C8orf34: variants seen among roughly 807,000 people sequenced by gnomAD.
C8orf34 encodes the protein uncharacterized protein C8orf34.
Under a neutral mutation model 68.3 loss-of-function variants are expected in C8orf34, and 65 were observed. That is an observed-to-expected ratio of 0.95 (90% CI 0.78 to 1.17). The LOEUF is 1.17. C8orf34 is among the 50% of genes most tolerant of loss of function. The probability of loss-of-function intolerance (pLI) is 0.00; values close to 1 mark genes in which losing one functional copy is unlikely to be tolerated. For missense variants in C8orf34, 664 were observed against 655.4 expected (o/e 1.01, Z -0.14); for synonymous variants, 244 against 241.2 (o/e 1.01, Z -0.11).
intron 1 of C8orf34, among the ~76,000 whole-genome samples, chr8:68,335,513 A>G (rs1433733107): frequency 6.6e-6 from 1 of 152,182 alleles, no homozygotes; most frequent in African/African-American, 2.4e-5. Flanking sequence ...GCAGAAGACA[A>G]AGCAGTTCCA....
intron 7 of C8orf34, among the ~76,000 whole-genome samples, chr8:68,570,199 G>A (rs1816721398): frequency 6.6e-6 from 1 of 152,196 alleles, no homozygotes; most frequent in African/African-American, 2.4e-5. Flanking sequence ...ATATAGATCT[G>A]AAGCCGAATC....
intron 7 of C8orf34, among the ~76,000 whole-genome samples, chr8:68,549,126 A>G (rs1815981840): frequency 6.6e-6 from 1 of 151,848 alleles, no homozygotes; most frequent in Admixed American, 6.6e-5. Flanking sequence ...GGACACAGTT[A>G]GAAGGCAGCC....
At chr8:68,554,820 A>G (rs947147962) in intron 7 of C8orf34, among the ~76,000 whole-genome samples, 11 of 152,122 alleles carry the variant, frequency 7.2e-5, no homozygotes, top group African/African-American at 1.9e-4. Context: ...CATGGCATGG[A>G]ATTGTGTATA....
chr8:68,784,533 TC>T (rs1823786309), intron 11 of C8orf34, among the ~76,000 whole-genome samples: 1 of 152,180 alleles, frequency 6.6e-6, no homozygotes, highest in African/African-American at 2.4e-5. Context: ...GGGAAGTTAT[TC>T]CCCACATCCT....
intron 5 of C8orf34, among the ~76,000 whole-genome samples, chr8:68,507,091 A>C (rs1814056843): frequency 6.6e-6 from 1 of 152,200 alleles, no homozygotes; most frequent in Non-Finnish European, 1.5e-5. Context: ...CTACCTATGA[A>C]TATGCCATAA....
chr8:68,718,266 C>G (rs1164065968), intron 9 of C8orf34, among the ~76,000 whole-genome samples: 1 of 152,120 alleles, frequency 6.6e-6, no homozygotes, highest in Non-Finnish European at 1.5e-5. Flanking sequence ...AAGACAGATA[C>G]TGTTTAATTA....
chr8:68,416,512 C>CATTTATTTATTT (rs3057630), intron 1 of C8orf34, among the ~76,000 whole-genome samples: 25 of 146,052 alleles, frequency 1.7e-4, no homozygotes, highest in South Asian at 6.6e-4. Context: ...ATTAAACATA[C>CATTTATTTATTT]ATTTATTTAT....
chr8:68,412,419 G>A (rs1287421549), intron 1 of C8orf34, among the ~76,000 whole-genome samples: 1 of 152,104 alleles, frequency 6.6e-6, no homozygotes, highest in African/African-American at 2.4e-5. Flanking sequence ...CTTGCTAGAT[G>A]TAAGAGATAT....
intron 6 of C8orf34, among the ~76,000 whole-genome samples, chr8:68,528,025 G>T (rs542667797): frequency 2.6e-5 from 4 of 152,254 alleles, no homozygotes; most frequent in East Asian, 3.9e-4. Context: ...TTCCCAGTGT[G>T]TTAATTTCCC....
intron 7 of C8orf34, among the ~76,000 whole-genome samples, chr8:68,622,892 A>G (rs1818429174): frequency 6.6e-6 from 1 of 152,226 alleles, no homozygotes; most frequent in Admixed American, 6.5e-5. Flanking sequence ...TAGTGTCATG[A>G]CATTTTCCAT....
Position 68,679,624 on chromosome 8 carries a change from G to A in C8orf34, c.1242-29370G>A, listed in dbSNP as rs149764518. On this transcript the variant is annotated intron_variant, in intron 8 of 13. Coordinates refer to ENST00000518698, the MANE Select transcript of C8orf34 (RefSeq NM_052958.4). ...GACCCAGAATAGCCAAATGTATCCT[G>A]AGCAAAAAGAATAAAAGTGGAAGAA... is the stretch of plus-strand genomic sequence containing the variant. Among the ~76,000 whole-genome samples the A allele has an allele frequency of 2.6e-3, 391 of 152,076 alleles. 4 individuals are homozygous for A. The highest frequency in any genetic ancestry group is 8.7e-3 in the African/African-American group (359 of 41,492).
chr8:68,441,737 G>T (rs1416311025), intron 2 of C8orf34, among the ~76,000 whole-genome samples: 3 of 152,126 alleles, frequency 2.0e-5, no homozygotes, highest in Non-Finnish European at 4.4e-5. Flanking sequence ...TTATATACTA[G>T]AATGTAATCA....
chr8:68,766,091 T>C (rs149680788), intron 10 of C8orf34, among the ~76,000 whole-genome samples: 230 of 152,284 alleles, frequency 1.5e-3, no homozygotes, highest in Non-Finnish European at 2.7e-3. Flanking sequence ...GTTAGAGAAA[T>C]GTTTCCCTAA....
chr8:68,706,375 G>A (rs768383350), intron 8 of C8orf34, among the ~76,000 whole-genome samples: 1 of 152,064 alleles, frequency 6.6e-6, no homozygotes, highest in Non-Finnish European at 1.5e-5. Flanking sequence ...TTAATATTTG[G>A]TTGCGTAGAA....
At chr8:68,643,304 T>A (rs1819067909) in intron 8 of C8orf34, among the ~76,000 whole-genome samples, 1 of 152,178 alleles carries the variant, frequency 6.6e-6, no homozygotes, top group Non-Finnish European at 1.5e-5. Flanking sequence ...CATTTAAAAT[T>A]GTGAGAATTA....
chr8:68,641,392 A>T (rs1819005957), intron 8 of C8orf34, among the ~76,000 whole-genome samples: 1 of 152,206 alleles, frequency 6.6e-6, no homozygotes, highest in Non-Finnish European at 1.5e-5. Context: ...AATAGAAAGG[A>T]CAGCTCTTAG....
chr8:68,443,543 C>T (rs559231437), intron 2 of C8orf34, among the ~76,000 whole-genome samples: 297 of 151,902 alleles, frequency 2.0e-3, no homozygotes, highest in African/African-American at 6.9e-3. Flanking sequence ...TACAGGCACA[C>T]GCCAGCCACC....
chr8:68,608,978 G>A (rs945781668), intron 7 of C8orf34, among the ~76,000 whole-genome samples: 3 of 152,076 alleles, frequency 2.0e-5, no homozygotes, highest in Admixed American at 1.3e-4. Flanking sequence ...ATCTGCCTGG[G>A]CAACATAGTG....
intron 1 of C8orf34, among the ~76,000 whole-genome samples, chr8:68,413,485 T>G (rs1809531365): frequency 6.6e-6 from 1 of 152,250 alleles, no homozygotes; most frequent in African/African-American, 2.4e-5. Flanking sequence ...TAATAATTAC[T>G]GTAGGCACTT....
Sources: gnomAD v4.1 joint callset for allele counts (sites outside exome capture counted in the v4.1 genomes callset) on GRCh38, gnomAD v4.1.1 for gene constraint, MANE v1.5 for transcripts, NCBI Gene and HGNC (gene_info 2026-07-23, HGNC 2026-07-21) for gene names.